CDKL5: variants seen among roughly 807,000 people sequenced by gnomAD.
The protein encoded by CDKL5 is cyclin dependent kinase like 5.
Under a neutral mutation model 61.7 loss-of-function variants are expected in CDKL5, and 8 were observed. The ratio of observed to expected loss-of-function variants is 0.13; its 90% CI spans 0.08 to 0.23. The LOEUF (loss-of-function observed/expected upper bound fraction) is 0.23, where lower values mean the gene tolerates loss of function less well. Ranked by LOEUF, CDKL5 falls within the 10% of genes least tolerant of loss-of-function variation. The pLI is 1.00. For synonymous variants in CDKL5, 275 were observed against 272.3 expected, an observed-to-expected ratio of 1.01 and a Z score of -0.10; for missense variants, 440 against 734.5, an observed-to-expected ratio of 0.60 and a Z score of 4.63.
chrX:18,427,232 A>G (rs903440106), intron 1 of CDKL5, among the ~76,000 whole-genome samples: 5 of 106,650 alleles, frequency 4.7e-5, no homozygotes, highest in Admixed American at 4.2e-4. Context: ...AGCCTGCAGC[A>G]GTCTTAGCAG....
In CDKL5 at chrX:18,575,450, G is replaced by A. The variant is rs1236736114; in HGVS notation, c.242G>A (p.Arg81Gln). ...NIVELKEAFR[R>Q]RGKLYLVFEY... ...GTGGAGTTGAAGGAAGCATTTCGTCGGAGGGGAAAGTTGTACTTGGTGTTT... is the reference window on the plus strand; with the variant it reads ...GTGGAGTTGAAGGAAGCATTTCGTCAGAGGGGAAAGTTGTACTTGGTGTTT... Residue 81 changes from arginine to glutamine, a missense_variant, in exon 5 of 18, where the codon CGG (arginine) becomes CAG (glutamine). This residue lies in a region of CDKL5 where 77 missense variants were observed against 218.2 expected (regional missense o/e 0.35). Transcript: ENST00000623535. 5 of 1,209,845 alleles carry A rather than the reference G, an allele frequency of 4.1e-6. No homozygotes were observed. The highest frequency in any genetic ancestry group is 3.0e-5 in the East Asian group (1 of 33,809).
At chrX:18,540,337 T>G (rs761256124) in intron 3 of CDKL5, among the ~76,000 whole-genome samples, 9 of 109,982 alleles carry the variant, frequency 8.2e-5, no homozygotes, top group Non-Finnish European at 1.7e-4. Flanking sequence ...CCACCACACC[T>G]GACTAATTTT....
At chrX:18,648,663 C>G (rs145297345) in intron 20 of CDKL5, among the ~76,000 whole-genome samples, 1,161 of 112,176 alleles carry the variant, frequency 0.01, 16 homozygotes, top group African/African-American at 0.036. Flanking sequence ...TAACTTCTGA[C>G]CAGTGAGACA....
intron 1 of CDKL5, among the ~76,000 whole-genome samples, chrX:18,470,370 G>A (rs866068868): frequency 6.2e-4 from 38 of 61,053 alleles, no homozygotes; most frequent in East Asian, 1.6e-3. Flanking sequence ...AAAAAAAAAA[G>A]AAGAAAAGAA....
chrX:18,642,282 G>T (rs368749457), downstream of CDKL5: 4 of 718,832 alleles, frequency 5.6e-6, no homozygotes, highest in Admixed American at 2.5e-5. Context: ...AGCAGTTTGC[G>T]GGTGCCCCCC....
intron 4 of CDKL5, among the ~76,000 whole-genome samples, chrX:18,574,128 C>T (rs746819389): frequency 8.9e-6 from 1 of 111,856 alleles, no homozygotes; most frequent in Non-Finnish European, 1.9e-5. Context: ...CTGAGGGTCA[C>T]ACAGCTCTCA....
intron 5 of CDKL5, among the ~76,000 whole-genome samples, chrX:18,576,710 T>G (rs1327438947): frequency 9.0e-6 from 1 of 111,134 alleles, no homozygotes. Flanking sequence ...AAACCACTGC[T>G]TTATGTTCCT....
At chrX:18,503,480 C>T (rs1020978136) in intron 1 of CDKL5, among the ~76,000 whole-genome samples, 2 of 111,802 alleles carry the variant, frequency 1.8e-5, no homozygotes, top group Non-Finnish European at 3.8e-5. Flanking sequence ...CATTGTGCCC[C>T]GCCCATAAAT....
At chrX:18,614,218 A>G (rs1380321415) in intron 15 of CDKL5, among the ~76,000 whole-genome samples, 1 of 112,441 alleles carries the variant, frequency 8.9e-6, no homozygotes, top group South Asian at 3.7e-4. Context: ...TGATAAAGTT[A>G]CATCAAGGTT....
chrX:18,582,228 AT>A (rs752456114), intron 7 of CDKL5, among the ~76,000 whole-genome samples: 3 of 111,601 alleles, frequency 2.7e-5, no homozygotes, highest in African/African-American at 9.7e-5. Flanking sequence ...CTTCACAAAA[AT>A]TTTTTTTGAA....
In CDKL5 at chrX:18,608,900, C is replaced by T; in HGVS notation, c.2034C>T (p.Arg678=). 1 of 1,176,785 alleles carries T rather than the reference C, an allele frequency of 8.5e-7. No homozygotes were observed. Among genetic ancestry groups the T allele is most frequent in the African/African-American group, 1.8e-5 (1 of 57,022 alleles). ...SREGTSSFHT[R]QKSEGGVYHD... is the part of the protein sequence containing the mutation. ...AAGGCACCTCTTCCTTCCATACACGCCAGAAGTCTGAGGTATGTCACAATA... is the reference window on the plus strand; with the variant it reads ...AAGGCACCTCTTCCTTCCATACACGTCAGAAGTCTGAGGTATGTCACAATA... Residue 678 remains arginine (R), a synonymous_variant, in exon 13 of 18, where the codon CGC becomes CGT. Transcript: ENST00000623535.
intron 15 of CDKL5, among the ~76,000 whole-genome samples, chrX:18,614,735 G>A (rs1926666004): frequency 8.9e-6 from 1 of 112,440 alleles, no homozygotes. Flanking sequence ...ATTAACGTGA[G>A]AACACAAGTA....
At chrX:18,528,290 G>A (rs2147107257) in intron 3 of CDKL5, among the ~76,000 whole-genome samples, 1 of 103,845 alleles carries the variant, frequency 9.6e-6, no homozygotes, top group East Asian at 3.0e-4. Flanking sequence ...ACTGAAAGGG[G>A]CTGTTAAAGT....
At chrX:18,553,140 G>A (rs1924457659) in intron 3 of CDKL5, among the ~76,000 whole-genome samples, 1 of 111,105 alleles carries the variant, frequency 9.0e-6, no homozygotes, top group South Asian at 3.8e-4. Flanking sequence ...ACAGCACTTA[G>A]TGATAGACTG....
At chrX:18,532,001 C>T (rs1279048529) in intron 3 of CDKL5, among the ~76,000 whole-genome samples, 4 of 111,997 alleles carry the variant, frequency 3.6e-5, no homozygotes, top group African/African-American at 9.8e-5. Flanking sequence ...CCACCGCGCC[C>T]GGCCAGGGTT....
At chrX:18,579,245 T>G (rs1217254063) in intron 5 of CDKL5, among the ~76,000 whole-genome samples, 1 of 111,816 alleles carries the variant, frequency 8.9e-6, no homozygotes, top group Non-Finnish European at 1.9e-5. Context: ...ATAAAAAATT[T>G]TGCATGAATT....
intron 15 of CDKL5, among the ~76,000 whole-genome samples, chrX:18,615,076 G>A (rs1359261476): frequency 8.9e-6 from 1 of 112,003 alleles, no homozygotes; most frequent in East Asian, 2.8e-4. Flanking sequence ...AAGAATGAGA[G>A]GCTCAATTGG....
In CDKL5 at chrX:18,631,786, C is replaced by G. The variant is rs1927244499; in HGVS notation, c.*3029C>G. Reference sequence around the variant, plus strand: ...AGTTCTAAATACCCTTTAACTGAACCTTGTTGGTCTTGCTCTAAAATTTAG... The same window carrying G: ...AGTTCTAAATACCCTTTAACTGAACGTTGTTGGTCTTGCTCTAAAATTTAG... On this transcript the variant is annotated 3_prime_UTR_variant, in exon 18 of 18. Coordinates refer to ENST00000623535, the MANE Select transcript of CDKL5 (RefSeq NM_001323289.2). 1 of 751,615 alleles carries G rather than the reference C, an allele frequency of 1.3e-6. No individual in the cohort carries two copies. Among genetic ancestry groups the G allele is most frequent in the African/African-American group, 2.3e-5 (1 of 43,183 alleles). The allele number at this position is 751,615 out of a possible 1,213,427, so 61.9% of individuals were successfully genotyped here.
rs1228788100 is a variant in CDKL5, at chrX:18,492,793, G to A, written c.-162-14142G>A. Among the ~76,000 whole-genome samples the A allele has an allele frequency of 3.6e-5, 4 of 111,839 alleles. No individual in the cohort carries two copies. In the East Asian group the frequency reaches 8.4e-4, roughly 23 times the overall value. The stretch of plus-strand genomic sequence containing the variant: ...TTCTACCCCAAAACTGATGTCTCCC[G>A]TTCCAGGTACTGAGCCATTCTCTAC... On this transcript the variant is annotated intron_variant, in intron 1 of 17. Transcript: ENST00000623535.
Sources: gnomAD v4.1 joint callset for allele counts (sites outside exome capture counted in the v4.1 genomes callset) on GRCh38, gnomAD v4.1.1 for gene constraint, gnomAD v4.1.1 regional missense constraint, MANE v1.5 for transcripts, NCBI Gene and HGNC (gene_info 2026-07-23, HGNC 2026-07-21) for gene names.